HEMK2: variants seen among roughly 807,000 people sequenced by gnomAD.
HEMK2 encodes the protein methyltransferase HEMK2.
At chr21:28,863,443 T>TAC in the HEMK2 span, among the ~76,000 whole-genome samples, 15 of 88,804 alleles carry the variant, frequency 1.7e-4, no homozygotes, top group African/African-American at 7.0e-4. Context: ...TATATATATA[T>TAC]ATATATATAT....
chr21:28,796,251 G>A, the HEMK2 span, among the ~76,000 whole-genome samples: 1 of 152,000 alleles, frequency 6.6e-6, no homozygotes, highest in African/African-American at 2.4e-5. Flanking sequence ...CGATTCTCCT[G>A]CCTCAGCCTC....
the HEMK2 span, among the ~76,000 whole-genome samples, chr21:28,864,844 T>C: frequency 2.8e-3 from 386 of 136,644 alleles, 3 homozygotes; most frequent in African/African-American, 9.9e-3. Flanking sequence ...GATAGATAGA[T>C]AGATAGATAG....
At chr21:28,730,596 A>C in the HEMK2 span, among the ~76,000 whole-genome samples, 4 of 152,018 alleles carry the variant, frequency 2.6e-5, no homozygotes, top group East Asian at 3.9e-4. Flanking sequence ...AGTTCCTCAC[A>C]GGCTATTGAA....
At chr21:28,695,604 C>T in the HEMK2 span, among the ~76,000 whole-genome samples, 6 of 152,172 alleles carry the variant, frequency 3.9e-5, no homozygotes, top group East Asian at 1.2e-3. Context: ...TGAGAACCGC[C>T]CCCATGATTC....
the HEMK2 span, among the ~76,000 whole-genome samples, chr21:28,838,972 A>AAATATATAT: frequency 3.4e-5 from 1 of 29,162 alleles, no homozygotes; most frequent in African/African-American, 1.9e-4. Context: ...AAAAAAAAAA[A>AAATATATAT]ATATATATAT....
At chr21:28,721,561 G>A in the HEMK2 span, among the ~76,000 whole-genome samples, 2 of 151,992 alleles carry the variant, frequency 1.3e-5, no homozygotes, top group African/African-American at 2.4e-5. Flanking sequence ...CATTGTGTTT[G>A]TATTAGACAG....
chr21:28,707,810 T>C, the HEMK2 span, among the ~76,000 whole-genome samples: 1 of 151,922 alleles, frequency 6.6e-6, no homozygotes, highest in Non-Finnish European at 1.5e-5. Context: ...AGAAAAGAAA[T>C]AAAAACAAAG....
At chr21:28,704,760 T>G in the HEMK2 span, among the ~76,000 whole-genome samples, 1 of 152,112 alleles carries the variant, frequency 6.6e-6, no homozygotes, top group African/African-American at 2.4e-5. Flanking sequence ...TGAAGTAATT[T>G]AAAGCCAATT....
the HEMK2 span, among the ~76,000 whole-genome samples, chr21:28,776,792 G>A: frequency 4.6e-5 from 7 of 152,156 alleles, no homozygotes; most frequent in African/African-American, 9.7e-5. Flanking sequence ...CATCCAGCAC[G>A]GGAGAAGGAT....
the HEMK2 span, among the ~76,000 whole-genome samples, chr21:28,788,980 G>T: frequency 6.6e-6 from 1 of 152,142 alleles, no homozygotes; most frequent in Non-Finnish European, 1.5e-5. Flanking sequence ...GATTGCTGGG[G>T]CTACAGAAAC....
chr21:28,805,058 C>A, the HEMK2 span, among the ~76,000 whole-genome samples: 2 of 152,156 alleles, frequency 1.3e-5, no homozygotes, highest in Non-Finnish European at 2.9e-5. Context: ...CTCTTCATTG[C>A]AATGTTGTAA....
the HEMK2 span, among the ~76,000 whole-genome samples, chr21:28,742,795 A>T: frequency 6.6e-6 from 1 of 152,136 alleles, no homozygotes; most frequent in East Asian, 1.9e-4. Context: ...CAAACACCAG[A>T]ATTTGAAGAA....
chr21:28,826,959 G>A, the HEMK2 span, among the ~76,000 whole-genome samples: 14 of 152,120 alleles, frequency 9.2e-5, no homozygotes, highest in African/African-American at 3.4e-4. Context: ...GGGATCCGAC[G>A]AGGAGACTCT....
chr21:28,642,720 C>T, the HEMK2 span, among the ~76,000 whole-genome samples: 4 of 152,324 alleles, frequency 2.6e-5, no homozygotes, highest in East Asian at 1.9e-4. Flanking sequence ...CAGCCATCTC[C>T]GGCCAGGGCC....
chr21:28,846,573 A>G, the HEMK2 span, among the ~76,000 whole-genome samples: 5 of 152,060 alleles, frequency 3.3e-5, no homozygotes, highest in Middle Eastern at 3.4e-3. Flanking sequence ...ATTTTTTCAT[A>G]TGTTTGTTGG....
At chr21:28,675,746 C>T in the HEMK2 span, among the ~76,000 whole-genome samples, 2 of 152,180 alleles carry the variant, frequency 1.3e-5, no homozygotes, top group Non-Finnish European at 2.9e-5. Flanking sequence ...GTTGAGAACT[C>T]ATCTTACTAA....
chr21:28,608,057 T>A, the HEMK2 span, among the ~76,000 whole-genome samples: 1 of 152,174 alleles, frequency 6.6e-6, no homozygotes, highest in African/African-American at 2.4e-5. Context: ...AGACTTGAGC[T>A]GCAGGACCAT....
At chr21:28,751,581 A>G in the HEMK2 span, among the ~76,000 whole-genome samples, 13 of 152,374 alleles carry the variant, frequency 8.5e-5, no homozygotes, top group East Asian at 2.3e-3. Context: ...AGTTAAGGGC[A>G]GAAGAGATGT....
chr21:28,761,600 T>G, the HEMK2 span, among the ~76,000 whole-genome samples: 1 of 109,256 alleles, frequency 9.2e-6, no homozygotes. Context: ...TCTACAAAGC[T>G]TTTTTTTTTT....
Sources: gnomAD v4.1 joint callset for allele counts (sites outside exome capture counted in the v4.1 genomes callset) on GRCh38, gnomAD v4.1.1 for gene constraint, MANE v1.5 for transcripts, NCBI Gene and HGNC (gene_info 2026-07-23, HGNC 2026-07-21) for gene names.